The following APLP2 variants were observed in gnomAD, a reference collection of about 807,000 sequenced individuals.
The protein encoded by APLP2 is CDEI box-binding protein.
A neutral mutation model predicts 89.9 loss-of-function variants in APLP2; 53 were observed. That is an observed-to-expected ratio of 0.59 (90% CI 0.47 to 0.74). The LOEUF is 0.74. Ranked by LOEUF, APLP2 falls within the 30% of genes least tolerant of loss-of-function variation. The probability of loss-of-function intolerance (pLI) is 0.00; values close to 1 mark genes in which losing one functional copy is unlikely to be tolerated. For missense variants in APLP2, 973 were observed against 975.9 expected (o/e 1.00, Z 0.04); for synonymous variants, 372 against 348.6 (o/e 1.07, Z -0.75).
chr11:130,075,661 C>A (rs1466325318), intron 1 of APLP2, among the ~76,000 whole-genome samples: 3 of 152,160 alleles, frequency 2.0e-5, no homozygotes, highest in Admixed American at 6.5e-5. Context: ...CCATAAGTCC[C>A]TAACAGTCTC....
intron 1 of APLP2, among the ~76,000 whole-genome samples, chr11:130,107,508 G>A (rs1399831091): frequency 3.3e-5 from 5 of 152,100 alleles, no homozygotes; most frequent in African/African-American, 9.7e-5. Context: ...AACTTACAAG[G>A]GATGTGAAGG....
chr11:130,095,396 G>T (rs1039542094), intron 1 of APLP2, among the ~76,000 whole-genome samples: 1 of 152,240 alleles, frequency 6.6e-6, no homozygotes, highest in East Asian at 1.9e-4. Flanking sequence ...CAATGGAAAT[G>T]AAGTATTGAT....
chr11:130,084,367 A>G (rs1476557660), intron 1 of APLP2, among the ~76,000 whole-genome samples: 1 of 152,260 alleles, frequency 6.6e-6, no homozygotes, highest in African/African-American at 2.4e-5. Flanking sequence ...CTTGCATCCC[A>G]GGGATAAATC....
At position 130,125,734 on chromosome 11, in the gene APLP2, C is replaced by T. The variant is rs904634626; in HGVS notation, c.1091-966C>T. Among the ~76,000 whole-genome samples the T allele has an allele frequency of 1.2e-4, 18 of 152,214 alleles. 1 individual carries two copies. The highest frequency in any genetic ancestry group is 1.5e-5 in the Non-Finnish European group (1 of 68,048). ...CAGTTGAACCTTGGCATTCACTCTC[C>T]ACTTAGCTCTGAAATTGTGTCATAA... On this transcript the variant is annotated intron_variant, in intron 7 of 16. Coordinates refer to ENST00000338167, the MANE Select transcript of APLP2 (RefSeq NM_001142276.2).
chr11:130,125,432 C>T (rs1371919825), intron 7 of APLP2, among the ~76,000 whole-genome samples: 2 of 152,174 alleles, frequency 1.3e-5, no homozygotes, highest in African/African-American at 2.4e-5. Flanking sequence ...TTGCGAGTGT[C>T]TTGGGGAATG....
chr11:130,135,831 A>G, intron 13 of APLP2, 116 bp downstream of exon 13: 1 of 1,272,736 alleles, frequency 7.9e-7, no homozygotes, highest in Non-Finnish European at 1.1e-6. Flanking sequence ...TGCGAGAGTC[A>G]GGGGAAGGGA....
intron 1 of APLP2, among the ~76,000 whole-genome samples, chr11:130,078,879 CTA>C (rs1942618856): frequency 6.6e-6 from 1 of 151,890 alleles, no homozygotes. Flanking sequence ...TTTATATTTA[CTA>C]GATCAAGCCC....
chr11:130,140,395 C>T lies in APLP2; in HGVS notation c.1838-3C>T, dbSNP rs1166495594. 3 of 1,601,578 alleles carry T rather than the reference C, an allele frequency of 1.9e-6. No individual in the cohort carries two copies. Among genetic ancestry groups the T allele is most frequent in the Non-Finnish European group, 2.6e-6 (3 of 1,174,622 alleles). Reference sequence around the variant, plus strand: ...AACTCAGCCATGATCTCTCTCCACACAGGATCTGGAGTGGGAGAGCAGGAT... The same window carrying T: ...AACTCAGCCATGATCTCTCTCCACATAGGATCTGGAGTGGGAGAGCAGGAT... On this transcript the variant is annotated splice_polypyrimidine_tract_variant and splice_region_variant and intron_variant, in intron 13 of 16. Transcript: ENST00000338167.
chr11:130,091,774 C>T (rs1443540766), intron 1 of APLP2, among the ~76,000 whole-genome samples: 4 of 150,118 alleles, frequency 2.7e-5, no homozygotes, highest in African/African-American at 7.4e-5. Context: ...GGGGGCTGAA[C>T]CCCCCACCTC....
intron 11 of APLP2, among the ~76,000 whole-genome samples, chr11:130,133,121 C>T (rs1229496373): frequency 6.6e-6 from 1 of 151,232 alleles, no homozygotes; most frequent in Non-Finnish European, 1.5e-5. Flanking sequence ...GGGAATTATA[C>T]AGTCTTTTTT....
chr11:130,138,373 C>T (rs925787642), intron 13 of APLP2, among the ~76,000 whole-genome samples: 3 of 152,126 alleles, frequency 2.0e-5, no homozygotes, highest in Non-Finnish European at 4.4e-5. Context: ...ATGACTGTGC[C>T]GACATTCCTT....
rs532810094 is a variant in APLP2 at position 130,140,425 on chromosome 11, G to T, written c.1865G>T (p.Gly622Val). 384 of 1,611,502 alleles carry T rather than the reference G, an allele frequency of 2.4e-4. 6 individuals carry two copies. The South Asian group carries it at 4.1e-3, about 17-fold the overall frequency. ...EGSGVGEQDG[G>V]LIGAEEKVIN... Reference sequence around the variant, plus strand: ...TCTGGAGTGGGAGAGCAGGATGGGGGACTGATCGGTGCCGAAGAGAAAGTG... The same window carrying T: ...TCTGGAGTGGGAGAGCAGGATGGGGTACTGATCGGTGCCGAAGAGAAAGTG... The change falls in exon 14 of 17, where the codon GGA (glycine) becomes GTA (valine). Residue 622 changes from glycine (G) to valine (V), a missense_variant. Physicochemically the swap from Gly to Val is moderately radical, Grantham distance 109. Coordinates refer to ENST00000338167, the MANE Select transcript of APLP2 (RefSeq NM_001142276.2).
At chr11:130,083,581 T>C (rs1225178106) in intron 1 of APLP2, among the ~76,000 whole-genome samples, 2 of 152,244 alleles carry the variant, frequency 1.3e-5, no homozygotes, top group Non-Finnish European at 2.9e-5. Flanking sequence ...CATGCAGTAC[T>C]TGTCTTTTTG....
At chr11:130,087,350 A>G (rs1214399956) in intron 1 of APLP2, among the ~76,000 whole-genome samples, 1 of 152,188 alleles carries the variant, frequency 6.6e-6, no homozygotes, top group African/African-American at 2.4e-5. Flanking sequence ...TTCAAAGTAA[A>G]TATATTCATT....
intron 13 of APLP2, among the ~76,000 whole-genome samples, chr11:130,136,384 T>C (rs1355839558): frequency 2.0e-5 from 3 of 152,216 alleles, no homozygotes; most frequent in Admixed American, 6.5e-5. Context: ...TAGCTAAGCA[T>C]CTCAGCGGAT....
At chr11:130,091,428 C>T (rs1945148321) in intron 1 of APLP2, among the ~76,000 whole-genome samples, 1 of 140,660 alleles carries the variant, frequency 7.1e-6, no homozygotes, top group African/African-American at 2.8e-5. Flanking sequence ...TCCTCACTTC[C>T]CAGTAGGGGC....
intron 13 of APLP2, among the ~76,000 whole-genome samples, chr11:130,138,199 G>C (rs1398900029): frequency 1.3e-5 from 2 of 152,240 alleles, no homozygotes; most frequent in Non-Finnish European, 2.9e-5. Context: ...GGCTTTGGCA[G>C]ACTTCCTGTT....
Position 130,113,307 on chromosome 11 carries a change from G to A in APLP2, c.403+2646G>A, listed in dbSNP as rs80209772. On this transcript the variant is annotated intron_variant, in intron 3 of 16. Coordinates refer to ENST00000338167, the MANE Select transcript of APLP2 (RefSeq NM_001142276.2). The stretch of plus-strand genomic sequence containing the variant: ...TTCCCAAATGATAGAGTTTAAATTT[G>A]TTAGCATGTTACAGAACCAAGCAAT... Among the ~76,000 whole-genome samples, 449 of 152,300 alleles carry A rather than the reference G, an allele frequency of 2.9e-3. 2 individuals carry two copies. The highest frequency in any genetic ancestry group is 0.01 in the African/African-American group (426 of 41,568).
intron 3 of APLP2, among the ~76,000 whole-genome samples, chr11:130,119,663 C>T (rs1949602568): frequency 6.6e-6 from 1 of 152,254 alleles, no homozygotes; most frequent in African/African-American, 2.4e-5. Context: ...GTGAATATCT[C>T]TGTACCCTTT....
Sources: allele counts gnomAD v4.1 joint callset (sites outside exome capture counted in the v4.1 genomes callset), GRCh38; gene constraint gnomAD v4.1.1; transcripts MANE v1.5; gene names NCBI Gene and HGNC (gene_info 2026-07-23, HGNC 2026-07-21).